The following TXNDC15 variants were observed in gnomAD, a reference collection of about 807,000 sequenced individuals.
The protein encoded by TXNDC15 is thioredoxin domain containing 15, also known as thioredoxin domain-containing protein 15.
In TXNDC15, 24 loss-of-function variants were observed where a neutral mutation model predicts 35.0. The ratio of observed to expected loss-of-function variants is 0.68; its 90% CI spans 0.50 to 0.96. The LOEUF is 0.96. Among genes scored for constraint, TXNDC15 ranks in the 40% least tolerant of loss-of-function variants. TXNDC15 has a pLI of 0.00. For missense variants in TXNDC15, 385 were observed against 453.3 expected (o/e 0.85, Z 1.37); for synonymous variants, 169 against 174.0 (o/e 0.97, Z 0.23).
chr5:134,874,932 C>T (rs1387696627), intron 1 of TXNDC15, among the ~76,000 whole-genome samples: 1 of 152,246 alleles, frequency 6.6e-6, no homozygotes, highest in Non-Finnish European at 1.5e-5. Flanking sequence ...TTATTTACAT[C>T]ATTATCCCAT....
chr5:134,899,793 G>T lies in TXNDC15; in HGVS notation c.*108G>T. On this transcript the variant is annotated 3_prime_UTR_variant, in exon 5 of 5. Transcript: ENST00000358387. The stretch of plus-strand genomic sequence containing the variant: ...GTGACGTGTTGACTTGAAACTTCAG[G>T]CAGATTAAAAGAATCATTTGTTGAA... The T allele has an allele frequency of 1.1e-6, 1 of 905,196 alleles. No individual in the cohort carries two copies. Among genetic ancestry groups the T allele is most frequent in the Non-Finnish European group, 1.6e-6 (1 of 616,702 alleles). 56.1% of individuals were successfully genotyped at this position (905,196 alleles called of 1,614,324 possible). A position where few individuals can be genotyped will look rare whatever the true frequency, so the allele number is the denominator to read the frequency against.
At chr5:134,893,268 A>C (rs772725620) in intron 2 of TXNDC15, 35 of 488,498 alleles carry the variant, frequency 7.2e-5, no homozygotes, top group Middle Eastern at 5.4e-4. Flanking sequence ...ATTCAGCAAG[A>C]CTTAAAAAAA....
chr5:134,884,236 A>G (rs1750227785), intron 1 of TXNDC15, among the ~76,000 whole-genome samples: 1 of 148,688 alleles, frequency 6.7e-6, no homozygotes, highest in African/African-American at 2.5e-5. Flanking sequence ...AAAAAAAAAA[A>G]GGGTACAATT....
Position 134,874,418 on chromosome 5 carries a change from G to C in TXNDC15, c.-10G>C. ...CGTAGCCGTGCGCCGATTGCCTCTC[G>C]GCCTGGGCAATGGTCCCGGCTGCCG... On this transcript the variant is annotated 5_prime_UTR_variant, in exon 1 of 5. Coordinates refer to ENST00000358387, the MANE Select transcript of TXNDC15 (RefSeq NM_024715.4). 6.3e-7 allele frequency: 1 copy of C among 1,592,634 alleles called. No individual in the cohort carries two copies. Among genetic ancestry groups the C allele is most frequent in the Non-Finnish European group, 8.5e-7 (1 of 1,173,924 alleles).
At chr5:134,884,475 C>A (rs1028399868) in intron 1 of TXNDC15, among the ~76,000 whole-genome samples, 1 of 151,668 alleles carries the variant, frequency 6.6e-6, no homozygotes, top group African/African-American at 2.4e-5. Flanking sequence ...CTCGAACTCC[C>A]GACCTCAGGT....
chr5:134,874,441 C>G lies in TXNDC15; in HGVS notation c.14C>G (p.Ala5Gly). Residue 5 changes from alanine (A) to glycine (G), a missense_variant, in exon 1 of 5, where the codon GCC (alanine) becomes GGC (glycine). Coordinates refer to ENST00000358387, the MANE Select transcript of TXNDC15 (RefSeq NM_024715.4). The stretch of plus-strand genomic sequence containing the variant: ...TCGGCCTGGGCAATGGTCCCGGCTG[C>G]CGGTCGACGACCGCCCCGCGTCATG... MVPA[A>G]GRRPPRVMRL... The G allele has an allele frequency of 6.2e-7, 1 of 1,601,170 alleles. No homozygotes were observed. The highest frequency in any genetic ancestry group is 8.5e-7 in the Non-Finnish European group (1 of 1,176,792).
At chr5:134,885,071 C>T (rs1216694245) in intron 1 of TXNDC15, among the ~76,000 whole-genome samples, 6 of 151,934 alleles carry the variant, frequency 3.9e-5, no homozygotes, top group South Asian at 2.1e-4. Flanking sequence ...TACAGGTGCC[C>T]GCCACCATGC....
rs750719595 is a variant in TXNDC15, at chr5:134,887,743, C to T, written c.152C>T (p.Pro51Leu). Residue 51 changes from proline (P) to leucine (L), a missense_variant, in exon 2 of 5, where the codon CCT becomes CTT. Pro to Leu is a moderately conservative substitution (Grantham distance 98). Coordinates refer to ENST00000358387, the MANE Select transcript of TXNDC15 (RefSeq NM_024715.4). ...TGGTCAGAGGAGCAGCCTGCTCACC[C>T]TCTCCAGGTGGGGGCTGTGTACCTG... ...RLWSEEQPAHPLQVGAVYLGE... is the reference protein window; with the variant it reads ...RLWSEEQPAHLLQVGAVYLGE... The T allele has an allele frequency of 5.6e-6, 9 of 1,610,566 alleles. No homozygotes were observed. Among genetic ancestry groups the T allele is most frequent in the Non-Finnish European group, 6.8e-6 (8 of 1,177,290 alleles).
At chr5:134,880,779 C>A (rs886227782) in intron 1 of TXNDC15, among the ~76,000 whole-genome samples, 5 of 152,018 alleles carry the variant, frequency 3.3e-5, no homozygotes, top group African/African-American at 1.2e-4. Flanking sequence ...GATGGAGTCG[C>A]ACTCTTGCTT....
intron 1 of TXNDC15, among the ~76,000 whole-genome samples, chr5:134,883,952 C>G (rs1750219027): frequency 6.7e-6 from 1 of 149,796 alleles, no homozygotes; most frequent in African/African-American, 2.5e-5. Context: ...GGCGCGGTGG[C>G]TCATGCCTGC....
At chr5:134,880,370 G>T (rs930535918) in intron 1 of TXNDC15, among the ~76,000 whole-genome samples, 5 of 151,844 alleles carry the variant, frequency 3.3e-5, no homozygotes, top group Non-Finnish European at 7.4e-5. Context: ...TGTCATGTGG[G>T]TTCGCTGGTA....
intron 1 of TXNDC15, among the ~76,000 whole-genome samples, chr5:134,886,580 A>G (rs928505143): frequency 2.0e-5 from 3 of 152,238 alleles, no homozygotes; most frequent in African/African-American, 7.2e-5. Flanking sequence ...AGTGGGGGAA[A>G]GTTCTCTTCT....
At chr5:134,888,743 A>G (rs1030080361) in intron 2 of TXNDC15, among the ~76,000 whole-genome samples, 12 of 152,028 alleles carry the variant, frequency 7.9e-5, no homozygotes, top group African/African-American at 2.7e-4. Flanking sequence ...CGGCCTCCCA[A>G]AGTGCTGGGA....
rs143467806 is a variant in TXNDC15, at chr5:134,884,309, C to T, written c.104-3386C>T. Among the ~76,000 whole-genome samples, 143 of 150,240 alleles carry T rather than the reference C, an allele frequency of 9.5e-4. 1 individual carries two copies. Among genetic ancestry groups the T allele is most frequent in the East Asian group, 7.3e-3 (37 of 5,052 alleles). On this transcript the variant is annotated intron_variant, in intron 1 of 4. Transcript: ENST00000358387. ...TGTTGCCCAGGCTGGAGTGCAATGG[C>T]ACTATCTCGGCTCACCACAACCTCT... is the stretch of plus-strand genomic sequence containing the variant.
chr5:134,896,640 T>C (rs184357950), intron 4 of TXNDC15, among the ~76,000 whole-genome samples: 32 of 149,876 alleles, frequency 2.1e-4, no homozygotes, highest in Admixed American at 8.0e-4. Context: ...TTATAGATAC[T>C]TTTTTTTTCC....
chr5:134,895,690 A>G (rs80173942), intron 3 of TXNDC15, among the ~76,000 whole-genome samples: 6 of 152,132 alleles, frequency 3.9e-5, no homozygotes, highest in African/African-American at 9.7e-5. Flanking sequence ...CAGAGTTCAC[A>G]TTGGTTCAGT....
chr5:134,885,692 C>A, intron 1 of TXNDC15, among the ~76,000 whole-genome samples: 1 of 152,158 alleles, frequency 6.6e-6, no homozygotes, highest in East Asian at 1.9e-4. Flanking sequence ...CTGGGCTCTG[C>A]CTGGATTTCC....
At chr5:134,877,805 G>C (rs1349223303) in intron 1 of TXNDC15, among the ~76,000 whole-genome samples, 1 of 133,064 alleles carries the variant, frequency 7.5e-6, no homozygotes, top group Admixed American at 8.1e-5. Context: ...ATGGAGTTTT[G>C]CTCTTGTTGC....
chr5:134,890,916 G>C (rs192535850), intron 2 of TXNDC15, among the ~76,000 whole-genome samples: 21 of 152,300 alleles, frequency 1.4e-4, no homozygotes, highest in Non-Finnish European at 2.6e-4. Flanking sequence ...TTCACCAGGC[G>C]TAGATGCCAT....
Sources: allele counts gnomAD v4.1 joint callset (sites outside exome capture counted in the v4.1 genomes callset), GRCh38; gene constraint gnomAD v4.1.1; transcripts MANE v1.5; gene names NCBI Gene and HGNC (gene_info 2026-07-23, HGNC 2026-07-21).